The following MICAL3 variants were observed in gnomAD, a reference collection of about 807,000 sequenced individuals.
MICAL3 encodes the protein [F-actin]-monooxygenase MICAL3.
MICAL3 carries 62 observed loss-of-function variants against 207.4 expected under a neutral mutation model. The observed-to-expected ratio is 0.30, with a 90% CI of 0.24 to 0.37. The LOEUF (loss-of-function observed/expected upper bound fraction) is 0.37, where lower values mean the gene tolerates loss of function less well. MICAL3 is among the 10% of genes least tolerant of loss of function. MICAL3 has a pLI of 1.00. For synonymous variants in MICAL3, 1,077 were observed against 1,069.3 expected (o/e 1.01, Z -0.14); for missense variants, 2,368 against 2,635.6 (o/e 0.90, Z 2.22).
intron 19 of MICAL3, 49 bp downstream of exon 19, chr22:17,864,850 A>G: frequency 6.2e-7 from 1 of 1,613,872 alleles, no homozygotes; most frequent in South Asian, 1.1e-5. Flanking sequence ...CTTGTCACAG[A>G]GGCCGAGGGA....
At chr22:17,806,199 ATTTG>A (rs977745154) in intron 29 of MICAL3, among the ~76,000 whole-genome samples, 12 of 152,094 alleles carry the variant, frequency 7.9e-5, no homozygotes, top group African/African-American at 2.7e-4. Context: ...CATTTTATTC[ATTTG>A]TTTATTTAAA....
At chr22:17,928,316 G>A (rs140996165) in intron 1 of MICAL3, among the ~76,000 whole-genome samples, 1,978 of 152,180 alleles carry the variant, frequency 0.013, 26 homozygotes, top group Non-Finnish European at 0.016. Flanking sequence ...GCGGGCATCT[G>A]TAGTCCCAGC....
chr22:17,898,305 G>T (rs1408149815), intron 7 of MICAL3, among the ~76,000 whole-genome samples: 1 of 152,214 alleles, frequency 6.6e-6, no homozygotes, highest in Non-Finnish European at 1.5e-5. Flanking sequence ...CAGATAATTA[G>T]CAAGGCAATT....
At chr22:17,912,173 C>G (rs964172358) in intron 1 of MICAL3, among the ~76,000 whole-genome samples, 4 of 152,110 alleles carry the variant, frequency 2.6e-5, no homozygotes, top group African/African-American at 7.2e-5. Flanking sequence ...TCTGGGCCCT[C>G]TATTGTATTC....
chr22:17,999,088 T>C (rs1266546896), intron 1 of MICAL3, among the ~76,000 whole-genome samples: 1 of 152,188 alleles, frequency 6.6e-6, no homozygotes, highest in Admixed American at 6.5e-5. Flanking sequence ...TCTGGGCCAC[T>C]TCCCAGAAGC....
At chr22:17,832,471 T>C (rs954025651) in intron 20 of MICAL3, among the ~76,000 whole-genome samples, 1 of 152,080 alleles carries the variant, frequency 6.6e-6, no homozygotes, top group African/African-American at 2.4e-5. Context: ...ACGGAGCCCA[T>C]GGAAGTTCCT....
At chr22:18,015,363 T>C (rs1923986404) in intron 1 of MICAL3, among the ~76,000 whole-genome samples, 2 of 152,044 alleles carry the variant, frequency 1.3e-5, no homozygotes, top group South Asian at 2.1e-4. Flanking sequence ...TGCTTTGTTA[T>C]TGAAAAGGCA....
chr22:17,799,949 A>AACACAC lies in MICAL3; in HGVS notation c.5651-8654_5651-8649dup, dbSNP rs3078144. On this transcript the variant is annotated intron_variant, in intron 29 of 31. Transcript: ENST00000441493. ...CGCGCGCTGGGAAACCTCACTCTAA[A>AACACAC]ACACACACACACACACACACACACA... Among the ~76,000 whole-genome samples the AACACAC allele has an allele frequency of 6.5e-3, 957 of 146,806 alleles. 12 individuals are homozygous for AACACAC. Among genetic ancestry groups the AACACAC allele is most frequent in the African/African-American group, 0.018 (723 of 39,678 alleles).
intron 1 of MICAL3, among the ~76,000 whole-genome samples, chr22:17,999,834 G>A (rs10854521): frequency 0.2 from 30,079 of 152,212 alleles, 3,140 homozygotes; most frequent in Middle Eastern, 0.27. Flanking sequence ...AACTCAAGCT[G>A]TTGAATACAC....
rs192633348 is a variant in MICAL3, at chr22:17,842,847, T to C, written c.2606-830A>G. On this transcript the variant is annotated intron_variant, in intron 19 of 31. Transcript: ENST00000441493. Reference sequence around the variant, plus strand: ...TTAAAATCCCATCACTCTGGCTGGGTGCGGTGGCTCACGCCTGTAATCCCA... The same window carrying C: ...TTAAAATCCCATCACTCTGGCTGGGCGCGGTGGCTCACGCCTGTAATCCCA... Among the ~76,000 whole-genome samples the C allele has an allele frequency of 7.2e-5, 11 of 152,040 alleles. No homozygotes were observed. The East Asian group carries it at 1.9e-3, about 27-fold the overall frequency.
At chr22:17,865,899 C>T (rs755878976) in intron 18 of MICAL3, 25 bp downstream of exon 18, 30 of 1,586,858 alleles carry the variant, frequency 1.9e-5, no homozygotes, top group Non-Finnish European at 4.3e-6. Flanking sequence ...TGCTTCTCCC[C>T]CACTTACAGG....
At chr22:17,917,703 G>A (rs1158165832) in intron 1 of MICAL3, among the ~76,000 whole-genome samples, 6 of 152,160 alleles carry the variant, frequency 3.9e-5, no homozygotes, top group Admixed American at 1.3e-4. Flanking sequence ...CCTCTCTCCT[G>A]CTCACCAAGG....
chr22:17,998,386 C>T (rs934658216), intron 1 of MICAL3, among the ~76,000 whole-genome samples: 8 of 105,194 alleles, frequency 7.6e-5, no homozygotes, highest in African/African-American at 3.4e-4. Flanking sequence ...AATCATGTTA[C>T]CTCCATTTCT....
chr22:17,824,910 GA>G (rs1922013324), intron 22 of MICAL3, among the ~76,000 whole-genome samples: 2 of 152,236 alleles, frequency 1.3e-5, no homozygotes, highest in Admixed American at 1.3e-4. Context: ...CACCGATTCT[GA>G]AAAGGAGGAA....
At chr22:17,850,702 G>A (rs997716921) in intron 19 of MICAL3, among the ~76,000 whole-genome samples, 1 of 152,038 alleles carries the variant, frequency 6.6e-6, no homozygotes, top group Non-Finnish European at 1.5e-5. Context: ...ATGAGCCACC[G>A]TGCCTGGCCG....
chr22:18,017,735 G>A lies in MICAL3; in HGVS notation c.-75+6546C>T, dbSNP rs556422206. On this transcript the variant is annotated intron_variant, in intron 1 of 31. Transcript: ENST00000441493. ...CGAGTAGCTGGGATTACAGGTACCC[G>A]CCACCACACCCGGCTAATTTTTTTT... is the stretch of plus-strand genomic sequence containing the variant. Among the ~76,000 whole-genome samples, 733 of 149,358 alleles carry A rather than the reference G, an allele frequency of 4.9e-3. 10 individuals are homozygous for A. The highest frequency in any genetic ancestry group is 0.017 in the African/African-American group (699 of 40,856).
chr22:17,932,767 TGGAG>T (rs1933331351), intron 1 of MICAL3, among the ~76,000 whole-genome samples: 1 of 152,050 alleles, frequency 6.6e-6, no homozygotes, highest in Non-Finnish European at 1.5e-5. Context: ...GATAAAGGGA[TGGAG>T]GAAGATCTAC....
chr22:17,913,103 C>G (rs1054637592), intron 1 of MICAL3, among the ~76,000 whole-genome samples: 3 of 151,032 alleles, frequency 2.0e-5, no homozygotes, highest in Non-Finnish European at 4.4e-5. Flanking sequence ...TATCATCAAG[C>G]TGACACTCAG....
chr22:17,797,127 G>A (rs1189075313), intron 29 of MICAL3, among the ~76,000 whole-genome samples: 1 of 152,170 alleles, frequency 6.6e-6, no homozygotes, highest in Admixed American at 6.5e-5. Context: ...AGTCCTTCTG[G>A]TACTCGAAAT....
Sources: allele counts gnomAD v4.1 joint callset (sites outside exome capture counted in the v4.1 genomes callset), GRCh38; gene constraint gnomAD v4.1.1; transcripts MANE v1.5; gene names NCBI Gene and HGNC (gene_info 2026-07-23, HGNC 2026-07-21).